TXNDC11: variants seen among roughly 807,000 people sequenced by gnomAD.
The protein encoded by TXNDC11 is thioredoxin domain containing 11, also known as thioredoxin domain-containing protein 11.
Under a neutral mutation model 78.0 loss-of-function variants are expected in TXNDC11, and 68 were observed. The observed-to-expected ratio is 0.87, with a 90% confidence interval of 0.72 to 1.07. The LOEUF is 1.07. TXNDC11 is among the 50% of genes least tolerant of loss of function. The pLI is 0.00. For missense variants in TXNDC11, 1,389 were observed against 1,221.8 expected (o/e 1.14, Z -2.04); for synonymous variants, 571 against 495.2 (o/e 1.15, Z -2.03).
intron 10 of TXNDC11, 109 bp downstream of exon 10, chr16:11,687,748 C>A: frequency 1.3e-6 from 1 of 749,436 alleles, no homozygotes; most frequent in Non-Finnish European, 2.3e-6. Flanking sequence ...CCAAGTCCTA[C>A]CAAAGGTTAA....
Position 11,679,826 on chromosome 16 carries a change from C to G in TXNDC11, c.2246G>C (p.Ser749Thr). 1 of 1,610,610 alleles carries G rather than the reference C, an allele frequency of 6.2e-7. No individual in the cohort carries two copies. The highest frequency in any genetic ancestry group is 8.5e-7 in the Non-Finnish European group (1 of 1,177,358). ...GGGGACGTCTTCGGGGTATTTCACA[C>G]TTAGGTCCTTTCTGGAGAGAGAGGG... ...LFFPCNRKDL[S>T]VKYPEDVPIT... The change falls in exon 12 of 12, where the codon AGT (serine) becomes ACT (threonine). Residue 749 changes from serine to threonine, a missense_variant. By Grantham distance (58) the Ser-to-Thr change is moderately conservative. Coordinates refer to ENST00000283033, the MANE Select transcript of TXNDC11 (RefSeq NM_015914.7). The surrounding 1 kb of genome is among the most constrained non-coding windows in gnomAD (Gnocchi z 4.6).
At position 11,736,101 on chromosome 16, in the gene TXNDC11, C is replaced by A; in HGVS notation, c.387G>T (p.Leu129=). Residue 129 remains leucine, a synonymous_variant, in exon 2 of 12, where the codon CTG becomes CTT. Coordinates refer to ENST00000283033, the MANE Select transcript of TXNDC11 (RefSeq NM_015914.7). The part of the protein sequence containing the change: ...EYVRRDSEVV[L]LFFYAPWCGQ... ...CACACCAAGGGGCATAGAAGAAGAG[C>A]AGTACCACCTCTGAATCCCGTCGAA... 1 of 1,614,180 alleles carries A rather than the reference C, an allele frequency of 6.2e-7. No homozygotes were observed. Among genetic ancestry groups the A allele is most frequent in the Non-Finnish European group, 8.5e-7 (1 of 1,180,040 alleles).
intron 3 of TXNDC11, 133 bp downstream of exon 3, chr16:11,733,849 A>T (rs2052131946): frequency 6.2e-6 from 4 of 645,284 alleles, no homozygotes; most frequent in Non-Finnish European, 1.1e-5. Context: ...TTTCTTTTTT[A>T]ATTTTTGCTT....
rs1567333413 is a variant in TXNDC11, at chr16:11,718,165, T to TACA, written c.793+3411_793+3412insTGT. On this transcript the variant is annotated intron_variant, in intron 5 of 11. Transcript: ENST00000283033. ...CACAGCACACCCTACAGCCCTGTGA[T>TACA]GCTTCAGACATGGTACTCTCGCAAA... 5.5e-3 allele frequency among the ~76,000 whole-genome samples: 842 copies of TACA among 152,350 alleles called. 10 individuals carry two copies. Among genetic ancestry groups the TACA allele is most frequent in the African/African-American group, 0.017 (711 of 41,580 alleles).
intron 5 of TXNDC11, among the ~76,000 whole-genome samples, chr16:11,721,154 T>C (rs1041276817): frequency 1.3e-4 from 19 of 151,930 alleles, no homozygotes; most frequent in African/African-American, 4.3e-4. Context: ...AAAAATACAC[T>C]GACGGCTGGG....
At chr16:11,719,380 C>T (rs2051636022) in intron 5 of TXNDC11, among the ~76,000 whole-genome samples, 1 of 152,198 alleles carries the variant, frequency 6.6e-6, no homozygotes, top group Non-Finnish European at 1.5e-5. Flanking sequence ...TCTGCTTAGT[C>T]ACTTGAAACT....
chr16:11,715,833 G>C (rs972164485), intron 5 of TXNDC11, among the ~76,000 whole-genome samples: 3 of 152,138 alleles, frequency 2.0e-5, no homozygotes, highest in Admixed American at 6.6e-5. Flanking sequence ...TGGGCCTGCT[G>C]GTCAGTCAAT....
At chr16:11,709,121 T>C (rs1190572394) in intron 5 of TXNDC11, among the ~76,000 whole-genome samples, 1 of 152,182 alleles carries the variant, frequency 6.6e-6, no homozygotes, top group Non-Finnish European at 1.5e-5. Context: ...GACAGTGAAA[T>C]GTGCATAGTT....
Position 11,687,463 on chromosome 16 carries a change from T to G in TXNDC11, c.2153+394A>C, listed in dbSNP as rs535867833. On this transcript the variant is annotated intron_variant, in intron 10 of 11. Coordinates refer to ENST00000283033, the MANE Select transcript of TXNDC11 (RefSeq NM_015914.7). Reference sequence around the variant, plus strand: ...ATGTGGATATCTATTGGTCTTTCCTTTTAATTTCACAAATGAGATAAACCA... The same window carrying G: ...ATGTGGATATCTATTGGTCTTTCCTGTTAATTTCACAAATGAGATAAACCA... 2.6e-5 allele frequency among the ~76,000 whole-genome samples: 4 copies of G among 152,344 alleles called. No individual in the cohort carries two copies. The East Asian group carries it at 7.7e-4, about 29-fold the overall frequency.
chr16:11,680,268 C>T lies in TXNDC11; in HGVS notation c.2235-431G>A, dbSNP rs566314268. Among the ~76,000 whole-genome samples the T allele has an allele frequency of 5.9e-5, 9 of 151,640 alleles. No individual in the cohort carries two copies. The East Asian group carries it at 7.8e-4, about 13-fold the overall frequency. ...CCCTCTTGTGCCCACTGACAGTGCC[C>T]GGAGAAAAAGGAAGAACTTGAAAGA... is the stretch of plus-strand genomic sequence containing the variant. On this transcript the variant is annotated intron_variant, in intron 11 of 11. Transcript: ENST00000283033.
At chr16:11,732,799 A>G (rs1361574523) in intron 3 of TXNDC11, among the ~76,000 whole-genome samples, 1 of 152,202 alleles carries the variant, frequency 6.6e-6, no homozygotes, top group East Asian at 1.9e-4. Flanking sequence ...TGTGACAGAG[A>G]ACCCACAAAT....
intron 10 of TXNDC11, 144 bp from the exon 11 acceptor site, chr16:11,684,389 G>C: frequency 1.7e-6 from 1 of 602,682 alleles, no homozygotes. Flanking sequence ...TGTACTACCA[G>C]GTGTGAGCTG....
At chr16:11,721,332 T>C (rs979243170) in intron 5 of TXNDC11, 3 of 266,176 alleles carry the variant, frequency 1.1e-5, no homozygotes, top group African/African-American at 6.9e-5. Context: ...CTCCAGCTAC[T>C]CAGGAGGCTG....
intron 3 of TXNDC11, among the ~76,000 whole-genome samples, chr16:11,732,073 A>G (rs1334891377): frequency 6.6e-6 from 1 of 152,204 alleles, no homozygotes; most frequent in Non-Finnish European, 1.5e-5. Flanking sequence ...AAAGCTAACA[A>G]TGCAAAGACA....
intron 2 of TXNDC11, 77 bp downstream of exon 2, chr16:11,735,940 G>C: frequency 1.4e-6 from 2 of 1,433,590 alleles, no homozygotes; most frequent in Non-Finnish European, 2.0e-6. Context: ...CGTTGGGCAA[G>C]GTGTCTCTGT....
Position 11,679,976 on chromosome 16 carries a change from A to G in TXNDC11, c.2235-139T>C. 1.3e-6 allele frequency: 1 copy of G among 765,124 alleles called. No homozygotes were observed. Among genetic ancestry groups the G allele is most frequent in the Non-Finnish European group, 2.1e-6 (1 of 479,816 alleles). 47.4% of individuals were successfully genotyped at this position (765,124 alleles called of 1,614,324 possible). A position where few individuals can be genotyped will look rare whatever the true frequency, so the allele number is the denominator to read the frequency against. On this transcript the variant is annotated intron_variant, in intron 11 of 11. Transcript: ENST00000283033. This position sits in a 1 kb window ranked among gnomAD's most constrained non-coding sequence, Gnocchi z 4.6. ...TGGATTTTACTTACTGAAAGTAAGG[A>G]AAATGTTGCCTGGGCAAGAAATTCT...
intron 4 of TXNDC11, among the ~76,000 whole-genome samples, 189 bp downstream of exon 4, chr16:11,730,456 A>C (rs1181881663): frequency 6.6e-6 from 1 of 152,226 alleles, no homozygotes; most frequent in Non-Finnish European, 1.5e-5. Flanking sequence ...TATTCTCTTA[A>C]AACTCTCTTG....
At chr16:11,716,848 G>A (rs1376160510) in intron 5 of TXNDC11, among the ~76,000 whole-genome samples, 1 of 152,058 alleles carries the variant, frequency 6.6e-6, no homozygotes, top group East Asian at 1.9e-4. Flanking sequence ...CTTAGATTAT[G>A]TTTACTCAGA....
At chr16:11,739,981 T>G (rs1275277572) in intron 1 of TXNDC11, among the ~76,000 whole-genome samples, 1 of 151,704 alleles carries the variant, frequency 6.6e-6, no homozygotes, top group South Asian at 2.1e-4. Flanking sequence ...CCACCTGAAG[T>G]CAGGAGTTCG....
Sources: gnomAD v4.1 joint callset for allele counts (sites outside exome capture counted in the v4.1 genomes callset) on GRCh38, gnomAD v4.1.1 for gene constraint, Gnocchi (gnomAD v3.1) non-coding constraint, MANE v1.5 for transcripts, NCBI Gene and HGNC (gene_info 2026-07-23, HGNC 2026-07-21) for gene names.